DOCK3: variants seen among roughly 807,000 people sequenced by gnomAD.
The protein encoded by DOCK3 is dedicator of cytokinesis protein 3.
DOCK3 carries 60 observed loss-of-function variants against 265.6 expected under a neutral mutation model. That is an observed-to-expected ratio of 0.23 (90% CI 0.18 to 0.28). DOCK3 has a LOEUF of 0.28. Ranked by LOEUF, DOCK3 falls within the 10% of genes least tolerant of loss-of-function variation. DOCK3 has a pLI of 1.00. For synonymous variants in DOCK3, 881 were observed against 938.0 expected (o/e 0.94, Z 1.11); for missense variants, 1,981 against 2,594.3 (o/e 0.76, Z 5.14).
At chr3:51,159,095 C>A in intron 10 of DOCK3, 149 bp from the exon 11 acceptor site, 1 of 581,246 alleles carries the variant, frequency 1.7e-6, no homozygotes, top group Non-Finnish European at 3.0e-6. Context: ...TCACTGCAGA[C>A]ATCTTATAAA....
At chr3:51,049,829 C>CACACACACACACACACA (rs377417609) in intron 5 of DOCK3, among the ~76,000 whole-genome samples, 3 of 144,354 alleles carry the variant, frequency 2.1e-5, no homozygotes, top group Non-Finnish European at 4.5e-5. Flanking sequence ...ACACACACAC[C>CACACACACACACACACA]CCAAAAAAAC....
intron 1 of DOCK3, among the ~76,000 whole-genome samples, chr3:50,711,495 C>T (rs1205349734): frequency 6.6e-6 from 1 of 152,132 alleles, no homozygotes; most frequent in Non-Finnish European, 1.5e-5. Flanking sequence ...ATCTCCTGAC[C>T]TCGTGATCCA....
intron 5 of DOCK3, among the ~76,000 whole-genome samples, chr3:51,028,549 A>G (rs2079913993): frequency 6.6e-6 from 1 of 152,186 alleles, no homozygotes; most frequent in Admixed American, 6.5e-5. Context: ...TTTCTCTCAG[A>G]AATGAAAATA....
At chr3:50,908,914 G>A (rs578198784) in intron 4 of DOCK3, among the ~76,000 whole-genome samples, 6 of 152,082 alleles carry the variant, frequency 3.9e-5, no homozygotes, top group African/African-American at 7.2e-5. Flanking sequence ...GGGTGCATAT[G>A]TATTTAGGTT....
intron 5 of DOCK3, among the ~76,000 whole-genome samples, chr3:51,035,032 T>G (rs2080210035): frequency 6.6e-6 from 1 of 152,070 alleles, no homozygotes; most frequent in Non-Finnish European, 1.5e-5. Flanking sequence ...TTGACTATGG[T>G]GTACCTATGC....
At chr3:51,109,615 A>G (rs1319002991) in intron 9 of DOCK3, among the ~76,000 whole-genome samples, 2 of 152,140 alleles carry the variant, frequency 1.3e-5, no homozygotes, top group African/African-American at 4.8e-5. Context: ...TCCATTAGCT[A>G]GACTAATAAG....
At chr3:51,218,640 T>C (rs2089924494) in intron 14 of DOCK3, among the ~76,000 whole-genome samples, 1 of 152,210 alleles carries the variant, frequency 6.6e-6, no homozygotes. Flanking sequence ...ACCTATTTTC[T>C]AAGACTTGAA....
chr3:50,885,983 G>T (rs187376545), intron 3 of DOCK3, among the ~76,000 whole-genome samples: 2 of 152,098 alleles, frequency 1.3e-5, no homozygotes, highest in Admixed American at 1.3e-4. Context: ...TCTTTGGCTA[G>T]AGAGAGCAAG....
At chr3:51,264,169 C>T (rs184752246) in intron 23 of DOCK3, among the ~76,000 whole-genome samples, 4 of 152,194 alleles carry the variant, frequency 2.6e-5, no homozygotes, top group Admixed American at 2.6e-4. Context: ...GGAAGTAAAA[C>T]ACTCTTCGGC....
chr3:50,916,221 G>C (rs1453579517), intron 4 of DOCK3, among the ~76,000 whole-genome samples: 1 of 152,032 alleles, frequency 6.6e-6, no homozygotes, highest in African/African-American at 2.4e-5. Flanking sequence ...GCCTTCAACT[G>C]TCCAGGGTGT....
chr3:51,354,814 G>T, intron 40 of DOCK3, 68 bp from the exon 41 acceptor site: 1 of 1,569,074 alleles, frequency 6.4e-7, no homozygotes, highest in South Asian at 1.2e-5. Context: ...TGTAGCTACT[G>T]ACTCCAGGGT....
intron 1 of DOCK3, among the ~76,000 whole-genome samples, chr3:50,712,871 T>G (rs1467584286): frequency 2.6e-5 from 4 of 152,218 alleles, no homozygotes; most frequent in Admixed American, 1.3e-4. Flanking sequence ...ACAGGCTCTA[T>G]CAAGTGTTTC....
intron 2 of DOCK3, among the ~76,000 whole-genome samples, chr3:50,785,307 A>C (rs1409338095): frequency 6.6e-6 from 1 of 152,192 alleles, no homozygotes; most frequent in East Asian, 1.9e-4. Flanking sequence ...GATGTCCTTT[A>C]TTTCTTTCTC....
chr3:51,029,448 T>A (rs965706877), intron 5 of DOCK3, among the ~76,000 whole-genome samples: 2 of 152,184 alleles, frequency 1.3e-5, no homozygotes, highest in African/African-American at 4.8e-5. Context: ...AAATCATTCT[T>A]TTTCAGTGCA....
intron 5 of DOCK3, among the ~76,000 whole-genome samples, chr3:51,053,113 A>ATATATATATG (rs1559994200): frequency 1.4e-4 from 18 of 125,694 alleles, no homozygotes; most frequent in African/African-American, 4.9e-4. Flanking sequence ...ATATATATAT[A>ATATATATATG]TATATATATG....
intron 38 of DOCK3, among the ~76,000 whole-genome samples, chr3:51,347,103 G>C (rs866000152): frequency 2.0e-5 from 3 of 152,282 alleles, no homozygotes; most frequent in East Asian, 1.9e-4. Flanking sequence ...TGTTCACTCT[G>C]ATGGTAGTTT....
chr3:50,968,089 G>A (rs1244666009), intron 5 of DOCK3, among the ~76,000 whole-genome samples: 1 of 152,116 alleles, frequency 6.6e-6, no homozygotes, highest in East Asian at 1.9e-4. Context: ...TTTCATTATA[G>A]TTTTGATTTG....
At chr3:50,831,483 GT>G (rs2045169839) in intron 2 of DOCK3, among the ~76,000 whole-genome samples, 1 of 151,950 alleles carries the variant, frequency 6.6e-6, no homozygotes, top group Admixed American at 6.6e-5. Context: ...GTGGTGTTTG[GT>G]TTTTCTGTTT....
At chr3:50,926,729 G>A (rs1002513465) in intron 4 of DOCK3, among the ~76,000 whole-genome samples, 1 of 152,140 alleles carries the variant, frequency 6.6e-6, no homozygotes, top group African/African-American at 2.4e-5. Context: ...GGTGGAGTTG[G>A]TACAGCATTA....
Sources: gnomAD v4.1 joint callset for allele counts (sites outside exome capture counted in the v4.1 genomes callset) on GRCh38, gnomAD v4.1.1 for gene constraint, MANE v1.5 for transcripts, NCBI Gene and HGNC (gene_info 2026-07-23, HGNC 2026-07-21) for gene names.